The following AUTS2 variants were observed in gnomAD, a reference collection of about 807,000 sequenced individuals.
The protein encoded by AUTS2 is autism susceptibility gene 2 protein.
AUTS2 carries 17 observed loss-of-function variants against 112.4 expected under a neutral mutation model. The ratio of observed to expected loss-of-function variants is 0.15; its 90% CI spans 0.10 to 0.23. The LOEUF (loss-of-function observed/expected upper bound fraction) is 0.23. AUTS2 is among the 10% of genes least tolerant of loss of function. The pLI is 1.00. For synonymous variants in AUTS2, 751 were observed against 702.7 expected (o/e 1.07, Z -1.09); for missense variants, 1,510 against 1,701.6 (o/e 0.89, Z 1.98).
At chr7:70,228,192 A>G (rs977289113) in intron 4 of AUTS2, among the ~76,000 whole-genome samples, 6 of 151,774 alleles carry the variant, frequency 4.0e-5, no homozygotes, top group African/African-American at 1.5e-4. Context: ...GTTTTGCTTT[A>G]AAGTCTGTTT....
At chr7:69,919,226 G>T (rs1795710732) in intron 2 of AUTS2, among the ~76,000 whole-genome samples, 1 of 152,148 alleles carries the variant, frequency 6.6e-6, no homozygotes, top group African/African-American at 2.4e-5. Context: ...TTTGGTTTTA[G>T]ACTGTATAAA....
chr7:69,969,230 A>G (rs1281510343), intron 2 of AUTS2, among the ~76,000 whole-genome samples: 1 of 152,160 alleles, frequency 6.6e-6, no homozygotes, highest in Admixed American at 6.5e-5. Flanking sequence ...CTAATGTGAA[A>G]AGGGGAAAAG....
At chr7:70,124,606 A>G (rs985933573) in intron 3 of AUTS2, among the ~76,000 whole-genome samples, 10 of 150,506 alleles carry the variant, frequency 6.6e-5, no homozygotes, top group Non-Finnish European at 1.5e-5. Context: ...CTCCGTCACC[A>G]GGTTGGAATG....
chr7:70,092,099 GTATTTTAATACTCCTAA>G (rs773200959), intron 2 of AUTS2, among the ~76,000 whole-genome samples: 55,128 of 151,192 alleles, frequency 0.36, 10,536 homozygotes, highest in African/African-American at 0.48. Context: ...ATACTTAGGA[GTATTTTAATACTCCTAA>G]GATTATATTT....
At chr7:69,823,470 C>G (rs1330806212) in intron 1 of AUTS2, among the ~76,000 whole-genome samples, 1 of 152,172 alleles carries the variant, frequency 6.6e-6, no homozygotes, top group African/African-American at 2.4e-5. Flanking sequence ...GAAAAGATGC[C>G]TAAACATGTG....
intron 4 of AUTS2, among the ~76,000 whole-genome samples, chr7:70,336,017 C>T (rs143933514): frequency 6.6e-6 from 1 of 152,216 alleles, no homozygotes; most frequent in African/African-American, 2.4e-5. Flanking sequence ...TTAAGAAAAT[C>T]CAGAACTATA....
intron 1 of AUTS2, among the ~76,000 whole-genome samples, chr7:69,700,630 G>A (rs1480323610): frequency 6.6e-6 from 1 of 152,146 alleles, no homozygotes; most frequent in Non-Finnish European, 1.5e-5. Flanking sequence ...ATATAATTCA[G>A]AGCCCATCTT....
intron 1 of AUTS2, among the ~76,000 whole-genome samples, chr7:69,784,451 G>C (rs1021753873): frequency 2.0e-5 from 3 of 152,200 alleles, no homozygotes; most frequent in African/African-American, 7.2e-5. Context: ...TTCCTTGTTG[G>C]TGTTTGCTGC....
chr7:69,984,835 G>A (rs1488960958), intron 2 of AUTS2, among the ~76,000 whole-genome samples: 1 of 152,204 alleles, frequency 6.6e-6, no homozygotes, highest in East Asian at 1.9e-4. Flanking sequence ...CTCTGCAGAT[G>A]AGCAGTCTGG....
chr7:70,419,473 G>T (rs951616622), intron 4 of AUTS2, among the ~76,000 whole-genome samples: 1 of 152,122 alleles, frequency 6.6e-6, no homozygotes, highest in Admixed American at 6.6e-5. Context: ...GGTTAAAAAC[G>T]TGAATATATG....
intron 4 of AUTS2, among the ~76,000 whole-genome samples, chr7:70,177,712 G>T (rs1401415782): frequency 2.0e-5 from 3 of 151,994 alleles, no homozygotes; most frequent in African/African-American, 4.8e-5. Flanking sequence ...TCCAACAAAG[G>T]TCATTTTTAT....
intron 4 of AUTS2, among the ~76,000 whole-genome samples, chr7:70,369,554 T>A (rs1161263184): frequency 6.6e-6 from 1 of 151,686 alleles, no homozygotes; most frequent in Non-Finnish European, 1.5e-5. Context: ...ATGGTGGGAG[T>A]GAAAATGGTT....
At chr7:69,921,761 T>C (rs1795824521) in intron 2 of AUTS2, among the ~76,000 whole-genome samples, 1 of 132,414 alleles carries the variant, frequency 7.6e-6, no homozygotes, top group Non-Finnish European at 1.6e-5. Context: ...GACTCTGTCT[T>C]TAAAAAAAAA....
chr7:70,163,775 T>C (rs1470450197), intron 4 of AUTS2, among the ~76,000 whole-genome samples: 1 of 152,160 alleles, frequency 6.6e-6, no homozygotes, highest in Non-Finnish European at 1.5e-5. Context: ...AGAAAACTGA[T>C]TGTATTTCAT....
chr7:69,684,409 G>A (rs1562808835), intron 1 of AUTS2, among the ~76,000 whole-genome samples: 1 of 151,998 alleles, frequency 6.6e-6, no homozygotes, highest in South Asian at 2.1e-4. Context: ...GCCCCGTTCT[G>A]TTTTTTTGCT....
At chr7:69,927,774 G>T (rs1323388655) in intron 2 of AUTS2, among the ~76,000 whole-genome samples, 1 of 152,226 alleles carries the variant, frequency 6.6e-6, no homozygotes, top group South Asian at 2.1e-4. Context: ...GTGAGGCTGT[G>T]GCTGGACCAG....
chr7:70,153,612 G>T (rs1244242906), intron 4 of AUTS2, among the ~76,000 whole-genome samples: 1 of 152,118 alleles, frequency 6.6e-6, no homozygotes, highest in African/African-American at 2.4e-5. Flanking sequence ...GTTTTAAAAT[G>T]ATTATAAAAA....
chr7:69,761,085 C>A (rs1788167197), intron 1 of AUTS2, among the ~76,000 whole-genome samples: 1 of 152,262 alleles, frequency 6.6e-6, no homozygotes, highest in Admixed American at 6.5e-5. Flanking sequence ...TTCTCCTTTC[C>A]CCTCTACTAG....
chr7:69,717,188 A>G (rs1244672500), intron 1 of AUTS2, among the ~76,000 whole-genome samples: 1 of 152,228 alleles, frequency 6.6e-6, no homozygotes, highest in Non-Finnish European at 1.5e-5. Context: ...TTACATCAAA[A>G]TGGAATTAAA....
Sources: allele counts gnomAD v4.1 joint callset (sites outside exome capture counted in the v4.1 genomes callset), GRCh38; gene constraint gnomAD v4.1.1; transcripts MANE v1.5; gene names NCBI Gene and HGNC (gene_info 2026-07-23, HGNC 2026-07-21).